ASTN2: variants seen among roughly 807,000 people sequenced by gnomAD.
ASTN2 encodes astrotactin 2.
ASTN2 carries 54 observed loss-of-function variants against 139.8 expected under a neutral mutation model. The observed-to-expected ratio is 0.39, with a 90% confidence interval of 0.31 to 0.48. The LOEUF (loss-of-function observed/expected upper bound fraction) is 0.48. Among genes scored for constraint, ASTN2 ranks in the 20% least tolerant of loss-of-function variants. The pLI is 0.95. For synonymous variants in ASTN2, 756 were observed against 719.5 expected, an observed-to-expected ratio of 1.05 and a Z score of -0.81; for missense variants, 1,565 against 1,725.1, an observed-to-expected ratio of 0.91 and a Z score of 1.64.
intron 2 of ASTN2, among the ~76,000 whole-genome samples, chr9:117,228,253 A>T (rs1054029695): frequency 1.3e-5 from 2 of 152,144 alleles, no homozygotes; most frequent in African/African-American, 4.8e-5. Context: ...CAAAAACCAC[A>T]GGTAACTCAA....
intron 20 of ASTN2, among the ~76,000 whole-genome samples, chr9:116,451,645 A>T (rs1216619137): frequency 6.6e-6 from 1 of 152,102 alleles, no homozygotes; most frequent in African/African-American, 2.4e-5. Context: ...ATGAGTTTAA[A>T]AGCTACTGTG....
intron 1 of ASTN2, among the ~76,000 whole-genome samples, chr9:117,382,710 A>C (rs1830302993): frequency 1.3e-5 from 2 of 152,208 alleles, no homozygotes; most frequent in African/African-American, 2.4e-5. Context: ...CAGGCCCAGC[A>C]GGAAAATAGA....
chr9:117,279,939 A>AT (rs996408992), intron 2 of ASTN2, among the ~76,000 whole-genome samples: 20 of 151,992 alleles, frequency 1.3e-4, no homozygotes, highest in Non-Finnish European at 2.8e-4. Flanking sequence ...ATAAGGACTA[A>AT]TTTTTTTAAT....
At chr9:116,512,901 C>T (rs1235736910) in intron 19 of ASTN2, among the ~76,000 whole-genome samples, 1 of 152,160 alleles carries the variant, frequency 6.6e-6, no homozygotes, top group Non-Finnish European at 1.5e-5. Context: ...TGTCTCTGCA[C>T]ATGAGATGGG....
At chr9:117,281,546 T>A (rs1834324410) in intron 2 of ASTN2, among the ~76,000 whole-genome samples, 1 of 152,168 alleles carries the variant, frequency 6.6e-6, no homozygotes, top group South Asian at 2.1e-4. Flanking sequence ...AGCGTGAACC[T>A]CACTGCAAAT....
intron 2 of ASTN2, among the ~76,000 whole-genome samples, chr9:117,247,989 C>T (rs1028767931): frequency 2.0e-5 from 3 of 152,158 alleles, no homozygotes; most frequent in Admixed American, 6.5e-5. Flanking sequence ...TCTTTTTATT[C>T]TTAGCCTCCA....
intron 13 of ASTN2, among the ~76,000 whole-genome samples, chr9:116,762,027 G>T (rs1829686143): frequency 6.6e-6 from 1 of 152,160 alleles, no homozygotes; most frequent in Admixed American, 6.5e-5. Context: ...GCTTTGCATA[G>T]CTCCCTGAGA....
chr9:117,188,194 CAGAGAGAGAGAGAG>C (rs1235976830), intron 3 of ASTN2, among the ~76,000 whole-genome samples: 1 of 31,980 alleles, frequency 3.1e-5, no homozygotes, highest in Admixed American at 3.2e-4. Context: ...GAGAGAGAGA[CAGAGAGAGAGAGAG>C]AGAGGAAATC....
intron 19 of ASTN2, among the ~76,000 whole-genome samples, chr9:116,505,021 T>C (rs1028841874): frequency 1.3e-5 from 2 of 152,036 alleles, no homozygotes; most frequent in Non-Finnish European, 2.9e-5. Context: ...GGTCACTTGG[T>C]TAAATTGCGC....
chr9:116,856,665 G>C (rs1327701124), intron 11 of ASTN2, among the ~76,000 whole-genome samples: 1 of 152,212 alleles, frequency 6.6e-6, no homozygotes, highest in Non-Finnish European at 1.5e-5. Flanking sequence ...TTGACTTTTA[G>C]AAAGGCAGCT....
At chr9:117,039,468 T>C (rs1277874227) in intron 6 of ASTN2, among the ~76,000 whole-genome samples, 2 of 151,994 alleles carry the variant, frequency 1.3e-5, no homozygotes, top group Non-Finnish European at 2.9e-5. Flanking sequence ...TTAGCACAAA[T>C]ACCTGAAGCA....
intron 11 of ASTN2, among the ~76,000 whole-genome samples, chr9:116,859,527 C>A (rs6478259): frequency 0.85 from 129,627 of 152,176 alleles, 55,413 homozygotes; most frequent in East Asian, 0.94. Context: ...GCAATAGAAG[C>A]ATCTGTGATC....
chr9:116,707,279 C>T (rs1360148689), intron 16 of ASTN2, among the ~76,000 whole-genome samples: 1 of 106,764 alleles, frequency 9.4e-6, no homozygotes. Context: ...CACTATGCCC[C>T]CTGACCAAAA....
chr9:116,922,264 A>C (rs1834634238), intron 10 of ASTN2, among the ~76,000 whole-genome samples: 3 of 152,180 alleles, frequency 2.0e-5, no homozygotes, highest in South Asian at 4.1e-4. Context: ...ATTGTTCATA[A>C]ACATGTGTAC....
intron 5 of ASTN2, among the ~76,000 whole-genome samples, chr9:117,090,829 T>A (rs1828688221): frequency 6.6e-6 from 1 of 152,216 alleles, no homozygotes; most frequent in Non-Finnish European, 1.5e-5. Flanking sequence ...TCTCATGGGA[T>A]ATGCTAAGAG....
At chr9:116,753,006 C>A (rs947626569) in intron 13 of ASTN2, among the ~76,000 whole-genome samples, 2 of 152,184 alleles carry the variant, frequency 1.3e-5, no homozygotes, top group African/African-American at 4.8e-5. Flanking sequence ...CAATTGCATG[C>A]ATTCCTTAAT....
intron 10 of ASTN2, among the ~76,000 whole-genome samples, chr9:116,933,212 A>T (rs1211832260): frequency 6.6e-6 from 1 of 152,044 alleles, no homozygotes; most frequent in Non-Finnish European, 1.5e-5. Context: ...TTCAAAAAGA[A>T]AGGAACTAAC....
intron 11 of ASTN2, among the ~76,000 whole-genome samples, chr9:116,845,994 T>C (rs1398832571): frequency 2.0e-5 from 3 of 152,148 alleles, no homozygotes; most frequent in African/African-American, 7.2e-5. Context: ...CAGATACATA[T>C]ACACACACAA....
chr9:116,789,576 C>A (rs952777050), intron 13 of ASTN2, among the ~76,000 whole-genome samples: 1 of 152,196 alleles, frequency 6.6e-6, no homozygotes, highest in Admixed American at 6.5e-5. Flanking sequence ...ATCCAATAAA[C>A]TGTGATCATA....
Sources: gnomAD v4.1 joint callset for allele counts (sites outside exome capture counted in the v4.1 genomes callset) on GRCh38, gnomAD v4.1.1 for gene constraint, MANE v1.5 for transcripts, NCBI Gene and HGNC (gene_info 2026-07-23, HGNC 2026-07-21) for gene names.